Variants in ATP2B2 observed in about 807,000 individuals in gnomAD.
ATP2B2 encodes plasma membrane calcium-transporting ATPase 2.
ATP2B2 carries 15 observed loss-of-function variants against 120.0 expected under a neutral mutation model. The observed-to-expected ratio is 0.12, with a 90% confidence interval of 0.08 to 0.19. The LOEUF (loss-of-function observed/expected upper bound fraction) is 0.19. Among genes scored for constraint, ATP2B2 ranks in the 10% least tolerant of loss-of-function variants. ATP2B2 has a pLI of 1.00. For missense variants in ATP2B2, 1,045 were observed against 1,719.8 expected, an observed-to-expected ratio of 0.61 and a Z score of 6.94; for synonymous variants, 694 against 700.3, an observed-to-expected ratio of 0.99 and a Z score of 0.14.
intron 1 of ATP2B2, among the ~76,000 whole-genome samples, chr3:10,681,976 G>A (rs748334761): frequency 4.6e-5 from 7 of 152,194 alleles, no homozygotes; most frequent in African/African-American, 7.2e-5. Context: ...AATGTAGGGC[G>A]ATCAGAGATA....
intron 17 of ATP2B2, 47 bp from the exon 18 acceptor site, chr3:10,345,622 G>T: frequency 6.3e-7 from 1 of 1,580,002 alleles, no homozygotes; most frequent in South Asian, 1.1e-5. Flanking sequence ...CGGGGGAGGT[G>T]ACCACTTCTA....
intron 1 of ATP2B2, among the ~76,000 whole-genome samples, chr3:10,495,645 C>T (rs1351647157): frequency 1.3e-5 from 2 of 152,212 alleles, no homozygotes; most frequent in African/African-American, 2.4e-5. Flanking sequence ...ATGGGGCAGA[C>T]TCAGGCCTCT....
At chr3:10,339,204 G>A (rs185412088) in intron 21 of ATP2B2, among the ~76,000 whole-genome samples, 1 of 152,330 alleles carries the variant, frequency 6.6e-6, no homozygotes, top group East Asian at 1.9e-4. Context: ...TAGGGGGTGG[G>A]CCCCAGTGGG....
chr3:10,361,802 A>G (rs972801219), intron 12 of ATP2B2, among the ~76,000 whole-genome samples: 4 of 152,200 alleles, frequency 2.6e-5, no homozygotes, highest in African/African-American at 9.6e-5. Context: ...GCTGAATTCT[A>G]TTCCTCTCTG....
At chr3:10,498,963 A>T (rs1411908459) in intron 1 of ATP2B2, among the ~76,000 whole-genome samples, 9 of 152,208 alleles carry the variant, frequency 5.9e-5, no homozygotes. Flanking sequence ...CATTTGAGAC[A>T]TTACCTACCC....
At chr3:10,510,560 C>T (rs1004130827), upstream of ATP2B2, among the ~76,000 whole-genome samples, 6 of 152,216 alleles carry the variant, frequency 3.9e-5, no homozygotes, top group African/African-American at 7.2e-5. Flanking sequence ...ACCTTAGCCC[C>T]GTGAGGGTCC....
intron 22 of ATP2B2, among the ~76,000 whole-genome samples, chr3:10,337,749 CT>C (rs1177681268): frequency 3.3e-5 from 5 of 152,188 alleles, no homozygotes; most frequent in African/African-American, 4.8e-5. Flanking sequence ...GGCGGACCCC[CT>C]GACCACCACG....
At chr3:10,426,847 T>C (rs77158388) in intron 2 of ATP2B2, among the ~76,000 whole-genome samples, 306 of 143,142 alleles carry the variant, frequency 2.1e-3, no homozygotes, top group African/African-American at 7.7e-3. Context: ...GGAGAAAGAA[T>C]TTTGCGGGGG....
chr3:10,585,492 T>TG (rs1178627284), intron 2 of ATP2B2, among the ~76,000 whole-genome samples: 2,533 of 30,104 alleles, frequency 0.084, 57 homozygotes, highest in East Asian at 0.38. Flanking sequence ...AGACTCCGTC[T>TG]GAAAAAAAAA....
chr3:10,665,487 T>A (rs913682028), intron 1 of ATP2B2, among the ~76,000 whole-genome samples: 1 of 152,076 alleles, frequency 6.6e-6, no homozygotes, highest in African/African-American at 2.4e-5. Flanking sequence ...AACTGTGGGG[T>A]TCCTGGAATA....
In ATP2B2 at chr3:10,345,387, C is replaced by A; in HGVS notation, c.2700G>T (p.Thr900=). 1.2e-6 allele frequency: 2 copies of A among 1,614,188 alleles called. No homozygotes were observed. The highest frequency in any genetic ancestry group is 1.7e-6 in the Non-Finnish European group (2 of 1,180,018). Residue 900 remains threonine, a synonymous_variant, in exon 18 of 23, where the codon ACG becomes ACT. Coordinates refer to ENST00000360273, the MANE Select transcript of ATP2B2 (RefSeq NM_001001331.4). ...GTGTGGTCTCCTGCGGACCCACCTGCGTGATGCAGGCGCCTGTGAAGGCCA... is the reference window on the plus strand; with the variant it reads ...GTGTGGTCTCCTGCGGACCCACCTGAGTGATGCAGGCGCCTGTGAAGGCCA... The part of the protein sequence containing the change: ...VIVAFTGACI[T]QDSPLKAVQM...
At chr3:10,366,271 C>T (rs1033337758) in intron 12 of ATP2B2, among the ~76,000 whole-genome samples, 3 of 152,172 alleles carry the variant, frequency 2.0e-5, no homozygotes, top group African/African-American at 7.2e-5. Context: ...GCCCTCCCTA[C>T]TATCTGCTAG....
At chr3:10,446,781 G>C (rs2063850933) in intron 2 of ATP2B2, among the ~76,000 whole-genome samples, 3 of 152,204 alleles carry the variant, frequency 2.0e-5, no homozygotes, top group Admixed American at 2.0e-4. Flanking sequence ...TCTCATGAAT[G>C]ACCAGGAGAC....
At chr3:10,469,661 G>C (rs1308286528) in intron 1 of ATP2B2, among the ~76,000 whole-genome samples, 1 of 152,180 alleles carries the variant, frequency 6.6e-6, no homozygotes, top group Non-Finnish European at 1.5e-5. Context: ...GGAGACTCCA[G>C]TTTCTCTCTC....
intron 3 of ATP2B2, among the ~76,000 whole-genome samples, chr3:10,525,273 T>C (rs2067068822): frequency 6.6e-6 from 1 of 152,226 alleles, no homozygotes; most frequent in African/African-American, 2.4e-5. Flanking sequence ...CTTTTGGTTG[T>C]AGTTAGTCCA....
Position 10,346,995 on chromosome 3 carries a change from A to G in ATP2B2, c.2405-858T>C, listed in dbSNP as rs1559540735. 6.6e-6 allele frequency among the ~76,000 whole-genome samples: 1 copy of G among 151,914 alleles called. No homozygotes were observed. The highest frequency in any genetic ancestry group is 1.5e-5 in the Non-Finnish European group (1 of 67,974). On this transcript the variant is annotated intron_variant, in intron 16 of 22. Transcript: ENST00000360273. This position sits in a 1 kb window ranked among gnomAD's most constrained non-coding sequence, Gnocchi z 4.1. Reference sequence around the variant, plus strand: ...TCACTGACTCTGGACTCCCCCTCCAACTTGCTTCCCCACAGCAACCTCAGG... The same window carrying G: ...TCACTGACTCTGGACTCCCCCTCCAGCTTGCTTCCCCACAGCAACCTCAGG...
chr3:10,680,875 G>A (rs2071366393), intron 1 of ATP2B2, among the ~76,000 whole-genome samples: 1 of 152,154 alleles, frequency 6.6e-6, no homozygotes, highest in African/African-American at 2.4e-5. Context: ...TGTTGAAATG[G>A]GATTCTCCAT....
intron 14 of ATP2B2, among the ~76,000 whole-genome samples, chr3:10,354,923 G>A (rs1477677766): frequency 6.6e-6 from 1 of 152,110 alleles, no homozygotes; most frequent in Non-Finnish European, 1.5e-5. Context: ...CTGCATAAAG[G>A]GACGAGTCCA....
chr3:10,378,358 G>A lies in ATP2B2; in HGVS notation c.1095C>T (p.Ala365=), dbSNP rs778859895. The change falls in exon 10 of 23, where the codon GCC becomes GCT. Residue 365 remains alanine, a synonymous_variant. Transcript: ENST00000360273. ...AAMEMQPLKS[A]EGGDADDRKK... is the part of the protein sequence containing the mutation. ...TCCTGTCGTCAGCGTCGCCGCCCTC[G>A]GCACTCTTGAGGGGCTGCATCTCCA... The A allele has an allele frequency of 1.6e-5, 26 of 1,606,110 alleles. No homozygotes were observed. Among genetic ancestry groups the A allele is most frequent in the Admixed American group, 1.5e-4 (9 of 60,002 alleles).
Sources: gnomAD v4.1 joint callset for allele counts (sites outside exome capture counted in the v4.1 genomes callset) on GRCh38, gnomAD v4.1.1 for gene constraint, Gnocchi (gnomAD v3.1) non-coding constraint, MANE v1.5 for transcripts, NCBI Gene and HGNC (gene_info 2026-07-23, HGNC 2026-07-21) for gene names.